The following SDCCAG8 variants were observed in gnomAD, a reference collection of about 807,000 sequenced individuals.
SDCCAG8 encodes SHH signaling and ciliogenesis regulator SDCCAG8, also known as serologically defined colon cancer antigen 8.
SDCCAG8 carries 74 observed loss-of-function variants against 101.8 expected under a neutral mutation model. The ratio of observed to expected loss-of-function variants is 0.73; its 90% CI spans 0.60 to 0.88. SDCCAG8 has a LOEUF of 0.88. Ranked by LOEUF, SDCCAG8 falls within the 40% of genes least tolerant of loss-of-function variation. The pLI is 0.00. For synonymous variants in SDCCAG8, 281 were observed against 292.9 expected (o/e 0.96, Z 0.41); for missense variants, 787 against 822.6 (o/e 0.96, Z 0.53).
Position 243,349,517 on chromosome 1 carries a change from T to G in SDCCAG8, c.1473+5186T>G, listed in dbSNP as rs148640234. Among the ~76,000 whole-genome samples the G allele has an allele frequency of 1.1e-3, 163 of 152,340 alleles. 1 individual carries two copies. Among genetic ancestry groups the G allele is most frequent in the African/African-American group, 3.8e-3 (158 of 41,580 alleles). On this transcript the variant is annotated intron_variant, in intron 12 of 17. Transcript: ENST00000366541. ...TGAGTATAGAAATACAACTGTATTTTTTAAGTTTCCTCTGACTTACTAGGA... is the reference window on the plus strand; with the variant it reads ...TGAGTATAGAAATACAACTGTATTTGTTAAGTTTCCTCTGACTTACTAGGA...
At chr1:243,370,562 A>G (rs1056090847) in intron 12 of SDCCAG8, among the ~76,000 whole-genome samples, 2 of 152,154 alleles carry the variant, frequency 1.3e-5, no homozygotes, top group African/African-American at 4.8e-5. Context: ...AACTTGGCTT[A>G]GTCAAAAAGT....
intron 16 of SDCCAG8, among the ~76,000 whole-genome samples, chr1:243,476,970 T>C (rs1474304956): frequency 1.3e-5 from 2 of 151,738 alleles, no homozygotes. Context: ...AGGGCAATGG[T>C]GCATGCAGCT....
chr1:243,321,655 T>C (rs1253213172), intron 9 of SDCCAG8, among the ~76,000 whole-genome samples: 2 of 152,128 alleles, frequency 1.3e-5, no homozygotes, highest in Admixed American at 6.6e-5. Context: ...GTTGATTCCA[T>C]GTCTTTTTTT....
intron 16 of SDCCAG8, among the ~76,000 whole-genome samples, chr1:243,439,622 TCA>T (rs60044857): frequency 0.014 from 1,679 of 120,130 alleles, 23 homozygotes; most frequent in African/African-American, 0.024. Context: ...TGAGACTCCA[TCA>T]CACACACACA....
At chr1:243,264,990 G>C (rs955539129) in intron 1 of SDCCAG8, among the ~76,000 whole-genome samples, 1 of 152,182 alleles carries the variant, frequency 6.6e-6, no homozygotes, top group Non-Finnish European at 1.5e-5. Flanking sequence ...GGAACCTTCT[G>C]TCTAATCTGG....
intron 13 of SDCCAG8, among the ~76,000 whole-genome samples, chr1:243,382,568 C>T (rs180943280): frequency 6.6e-6 from 1 of 152,312 alleles, no homozygotes; most frequent in African/African-American, 2.4e-5. Flanking sequence ...CCTAAAATAT[C>T]TACTATCTGT....
At chr1:243,423,462 A>G (rs2081143903) in intron 15 of SDCCAG8, among the ~76,000 whole-genome samples, 1 of 152,138 alleles carries the variant, frequency 6.6e-6, no homozygotes, top group Non-Finnish European at 1.5e-5. Flanking sequence ...ATTTTTCTAT[A>G]TCAGTAAATA....
chr1:243,300,842 G>T (rs974251495), intron 6 of SDCCAG8, among the ~76,000 whole-genome samples: 4 of 152,104 alleles, frequency 2.6e-5, no homozygotes, highest in African/African-American at 9.7e-5. Context: ...GAATAAGATA[G>T]GTTTGTATTG....
chr1:243,471,348 C>T (rs1661227684), intron 16 of SDCCAG8, among the ~76,000 whole-genome samples: 1 of 152,136 alleles, frequency 6.6e-6, no homozygotes, highest in Admixed American at 6.5e-5. Context: ...CCCTTTTTTC[C>T]CCCAGTATTA....
chr1:243,430,425 T>C (rs531983361), intron 16 of SDCCAG8, among the ~76,000 whole-genome samples: 12 of 152,204 alleles, frequency 7.9e-5, no homozygotes, highest in Non-Finnish European at 1.5e-4. Context: ...AGGGTCTTTA[T>C]GTTTTTGTTT....
At chr1:243,368,084 C>G (rs1450521439) in intron 12 of SDCCAG8, among the ~76,000 whole-genome samples, 1 of 151,750 alleles carries the variant, frequency 6.6e-6, no homozygotes, top group African/African-American at 2.4e-5. Context: ...GGCATGGTGA[C>G]ACAGACGTGT....
At chr1:243,349,010 CA>C (rs200574627) in intron 12 of SDCCAG8, among the ~76,000 whole-genome samples, 3,186 of 127,362 alleles carry the variant, frequency 0.025, 89 homozygotes, top group East Asian at 0.095. Flanking sequence ...ACAAACAAAA[CA>C]AAAAAAAAAA....
intron 13 of SDCCAG8, among the ~76,000 whole-genome samples, chr1:243,414,644 G>A (rs1457287253): frequency 6.6e-6 from 1 of 152,150 alleles, no homozygotes; most frequent in Non-Finnish European, 1.5e-5. Context: ...GCGGTACATA[G>A]ACTAGTAGTG....
chr1:243,444,044 C>T (rs2082726343), intron 16 of SDCCAG8, among the ~76,000 whole-genome samples: 1 of 152,112 alleles, frequency 6.6e-6, no homozygotes, highest in Non-Finnish European at 1.5e-5. Flanking sequence ...TGTTTTTATT[C>T]TTCCCACTGA....
intron 13 of SDCCAG8, among the ~76,000 whole-genome samples, chr1:243,392,211 A>G (rs1390496138): frequency 6.6e-6 from 1 of 152,262 alleles, no homozygotes; most frequent in African/African-American, 2.4e-5. Context: ...CAGGTAAAAT[A>G]AATTAATGAG....
chr1:243,313,609 C>G (rs1314180512), intron 8 of SDCCAG8, among the ~76,000 whole-genome samples: 1 of 152,212 alleles, frequency 6.6e-6, no homozygotes, highest in Non-Finnish European at 1.5e-5. Context: ...CGTCAAGAAG[C>G]TCCTTGATTA....
intron 13 of SDCCAG8, among the ~76,000 whole-genome samples, chr1:243,391,813 A>C (rs1488574763): frequency 3.3e-5 from 5 of 152,222 alleles, no homozygotes; most frequent in African/African-American, 9.6e-5. Context: ...GCAAGTCACT[A>C]TTGGAATGTG....
chr1:243,455,666 A>T (rs2083687783), intron 16 of SDCCAG8, among the ~76,000 whole-genome samples: 1 of 152,238 alleles, frequency 6.6e-6, no homozygotes, highest in Admixed American at 6.5e-5. Flanking sequence ...CTCCAAATCC[A>T]GCTTGATAGA....
At chr1:243,294,506 C>CGAGAGAGAGAGA (rs74162272) in intron 6 of SDCCAG8, among the ~76,000 whole-genome samples, 9,732 of 105,856 alleles carry the variant, frequency 0.092, 759 homozygotes, top group African/African-American at 0.1. Context: ...AGAGAAAGAG[C>CGAGAGAGAGAGA]GAGAGAGAGA....
Sources: gnomAD v4.1 joint callset for allele counts (sites outside exome capture counted in the v4.1 genomes callset) on GRCh38, gnomAD v4.1.1 for gene constraint, MANE v1.5 for transcripts, NCBI Gene and HGNC (gene_info 2026-07-23, HGNC 2026-07-21) for gene names.